Variants in SOBP observed in about 807,000 individuals in gnomAD.
SOBP encodes the protein sine oculis-binding protein homolog.
In SOBP, 4 loss-of-function variants were observed where a neutral mutation model predicts 53.6. That is an observed-to-expected ratio of 0.07 (90% CI 0.04 to 0.17). The LOEUF (loss-of-function observed/expected upper bound fraction) is 0.17, where lower values mean the gene tolerates loss of function less well. Among genes scored for constraint, SOBP ranks in the 10% least tolerant of loss-of-function variants. The probability of loss-of-function intolerance (pLI) is 1.00; values close to 1 mark genes in which losing one functional copy is unlikely to be tolerated. For synonymous variants in SOBP, 584 were observed against 522.6 expected (o/e 1.12, Z -1.60); for missense variants, 1,088 against 1,204.7 (o/e 0.90, Z 1.43).
At position 107,503,770 on chromosome 6, in the gene SOBP, C is replaced by G. The variant is rs374081948; in HGVS notation, c.210C>G (p.Ser70Arg). 3.1e-6 allele frequency: 5 copies of G among 1,613,922 alleles called. No individual in the cohort carries two copies. In the African/African-American group the frequency reaches 6.7e-5, roughly 22 times the overall value. The change falls in exon 2 of 7, where the codon AGC becomes AGG. Residue 70 changes from serine (S) to arginine (R), a missense_variant. Physicochemically the swap from Ser to Arg is moderately radical, Grantham distance 110 (BLOSUM62 -1). Transcript: ENST00000317357. Reference protein sequence around the residue: ...EFRSYPTDGESRQHISVLKEN... With the variant: ...EFRSYPTDGERRQHISVLKEN... The stretch of plus-strand genomic sequence containing the variant: ...GGAGCTACCCTACAGATGGGGAGAG[C>G]CGGCAGCACATTTCTGTTCTCAAAG...
At chr6:107,539,850 G>T (rs1784104562) in intron 4 of SOBP, among the ~76,000 whole-genome samples, 1 of 152,126 alleles carries the variant, frequency 6.6e-6, no homozygotes, top group South Asian at 2.1e-4. Flanking sequence ...TATCTTACAG[G>T]TCATTTTGAT....
chr6:107,500,788 G>A (rs574868051), intron 1 of SOBP, among the ~76,000 whole-genome samples: 5 of 152,236 alleles, frequency 3.3e-5, no homozygotes, highest in East Asian at 1.9e-4. Context: ...GCCTCCCAAA[G>A]TGCTGGGATT....
intron 5 of SOBP, among the ~76,000 whole-genome samples, chr6:107,590,598 G>C (rs2115064486): frequency 6.6e-6 from 1 of 152,304 alleles, no homozygotes; most frequent in African/African-American, 2.4e-5. Flanking sequence ...TTAGGGGTGA[G>C]GGTTTTGCAG....
intron 3 of SOBP, among the ~76,000 whole-genome samples, chr6:107,523,518 A>G (rs1783573956): frequency 6.6e-6 from 1 of 152,184 alleles, no homozygotes. Context: ...GAGGGAAGAA[A>G]AGGAGCTGAG....
In SOBP at chr6:107,633,905, C is replaced by A. The variant is rs1319551253; in HGVS notation, c.1061C>A (p.Pro354His). ...CCCACGCCAGTGCCCAAGTCCATCC[C>A]CATCAGCGAGACTCCAAATATCCCT... The part of the protein sequence containing the change: ...KIPTPVPKSI[P>H]ISETPNIPPV... The change falls in exon 6 of 7, where the codon CCC becomes CAC. Residue 354 changes from proline (P) to histidine (H), a missense_variant. By Grantham distance (77) the Pro-to-His change is moderately conservative (BLOSUM62 -2). Around this residue, in one of 6 missense-constraint regions of SOBP, gnomAD observed 211 missense variants for 258.9 expected, o/e 0.82. Transcript: ENST00000317357. 2 of 1,614,242 alleles carry A rather than the reference C, an allele frequency of 1.2e-6. No individual in the cohort carries two copies. Among genetic ancestry groups the A allele is most frequent in the Admixed American group, 3.3e-5 (2 of 60,036 alleles).
chr6:107,513,923 T>G (rs1181207875), intron 3 of SOBP: 3 of 152,600 alleles, frequency 2.0e-5, no homozygotes, highest in Admixed American at 2.0e-4. Flanking sequence ...TTTTCACAAC[T>G]CTTTGTGGAT....
intron 4 of SOBP, among the ~76,000 whole-genome samples, chr6:107,559,532 G>A (rs767266449): frequency 3.9e-5 from 6 of 152,190 alleles, no homozygotes; most frequent in Non-Finnish European, 8.8e-5. Context: ...GAATTACCAC[G>A]TTCGCCTAGT....
intron 1 of SOBP, among the ~76,000 whole-genome samples, chr6:107,502,968 C>T (rs924587283): frequency 2.0e-5 from 3 of 152,104 alleles, no homozygotes; most frequent in African/African-American, 7.2e-5. Flanking sequence ...ACCATGTTGC[C>T]CAGGCTGGTC....
rs900027133 is a variant in SOBP at position 107,552,535 on chromosome 6, G to C, written c.573+18925G>C. ...CCAAGAAGCTTCTCACTGTCATTCT[G>C]AGCCTGGACCAAAGGGGAGGAGGAG... is the stretch of plus-strand genomic sequence containing the variant. On this transcript the variant is annotated intron_variant, in intron 4 of 6. Coordinates refer to ENST00000317357, the MANE Select transcript of SOBP (RefSeq NM_018013.4). Among the ~76,000 whole-genome samples the C allele has an allele frequency of 5.3e-4, 80 of 152,174 alleles. 3 individuals carry two copies. The highest frequency in any genetic ancestry group is 2.4e-5 in the African/African-American group (1 of 41,444).
At chr6:107,529,008 A>C (rs1405081895) in intron 3 of SOBP, among the ~76,000 whole-genome samples, 1 of 152,194 alleles carries the variant, frequency 6.6e-6, no homozygotes, top group Non-Finnish European at 1.5e-5. Context: ...TAACATTGAA[A>C]TGAGCCGTGC....
Position 107,554,213 on chromosome 6 carries a change from C to T in SOBP, c.573+20603C>T, listed in dbSNP as rs1784543816. Among the ~76,000 whole-genome samples the T allele has an allele frequency of 3.3e-5, 5 of 152,204 alleles. No individual in the cohort carries two copies. The South Asian group carries it at 1.0e-3, about 31-fold the overall frequency. ...TTTGGCCTGAGAGCTAGAGATGATG[C>T]TCCTTCCAGGATGTAGGCCTTGAGA... is the stretch of plus-strand genomic sequence containing the variant. On this transcript the variant is annotated intron_variant, in intron 4 of 6. Coordinates refer to ENST00000317357, the MANE Select transcript of SOBP (RefSeq NM_018013.4).
rs187736304 is a variant in SOBP, at chr6:107,503,879, A to G, written c.235+84A>G. The G allele has an allele frequency of 6.0e-5, 92 of 1,526,088 alleles. No individual in the cohort carries two copies. The African/African-American group carries it at 1.0e-3, about 17-fold the overall frequency. The allele number at this position is 1,526,088 out of a possible 1,614,324, so 94.5% of individuals were successfully genotyped here. A position where few individuals can be genotyped will look rare whatever the true frequency, so the allele number is the denominator to read the frequency against. On this transcript the variant is annotated intron_variant, in intron 2 of 6. Transcript: ENST00000317357. ...CAGAATTGAGTTGCTTTGGGACTCA[A>G]TTGAGTTGCTTTGTTGATTATGCCA...
intron 6 of SOBP, among the ~76,000 whole-genome samples, chr6:107,652,771 T>TTAG (rs1771857990): frequency 6.6e-6 from 1 of 152,160 alleles, no homozygotes; most frequent in African/African-American, 2.4e-5. Context: ...ACCACCCTGA[T>TTAG]TAGTCAGCAG....
chr6:107,611,688 T>C (rs1373416326), intron 5 of SOBP, among the ~76,000 whole-genome samples: 1 of 152,238 alleles, frequency 6.6e-6, no homozygotes. Flanking sequence ...GGTGGCGACA[T>C]GGTTGCTGTT....
chr6:107,517,213 T>G (rs1359742229), intron 3 of SOBP, among the ~76,000 whole-genome samples: 1 of 152,186 alleles, frequency 6.6e-6, no homozygotes, highest in East Asian at 1.9e-4. Flanking sequence ...AAATTGATAC[T>G]TGACTCATGA....
At chr6:107,513,347 G>A (rs1049592539) in intron 3 of SOBP, among the ~76,000 whole-genome samples, 1 of 152,160 alleles carries the variant, frequency 6.6e-6, no homozygotes, top group Non-Finnish European at 1.5e-5. Context: ...TGGACTCTAA[G>A]GAACCATTAG....
At chr6:107,655,399 TA>T (rs1771990259) in intron 6 of SOBP, among the ~76,000 whole-genome samples, 1 of 152,116 alleles carries the variant, frequency 6.6e-6, no homozygotes, top group African/African-American at 2.4e-5. Context: ...ATGCCTTCAA[TA>T]CCGCCCCCTC....
At chr6:107,576,776 T>C (rs750329857) in intron 4 of SOBP, among the ~76,000 whole-genome samples, 4 of 152,182 alleles carry the variant, frequency 2.6e-5, no homozygotes, top group Non-Finnish European at 5.9e-5. Flanking sequence ...AGGCTTAGCA[T>C]ATGGACGGGC....
intron 6 of SOBP, among the ~76,000 whole-genome samples, chr6:107,644,183 A>C (rs1246943789): frequency 6.6e-6 from 1 of 152,234 alleles, no homozygotes; most frequent in Non-Finnish European, 1.5e-5. Context: ...GCATGGCTGT[A>C]GTCCCAGCTA....
Sources: gnomAD v4.1 joint callset for allele counts (sites outside exome capture counted in the v4.1 genomes callset) on GRCh38, gnomAD v4.1.1 for gene constraint, gnomAD v4.1.1 regional missense constraint, MANE v1.5 for transcripts, NCBI Gene and HGNC (gene_info 2026-07-23, HGNC 2026-07-21) for gene names.